The following ZNF483 variants were observed in gnomAD, a reference collection of about 807,000 sequenced individuals.
ZNF483 encodes the protein zinc finger protein 483.
In ZNF483, 9 loss-of-function variants were observed where a neutral mutation model predicts 28.6. The observed-to-expected ratio is 0.32, with a 90% CI of 0.19 to 0.55. The LOEUF (loss-of-function observed/expected upper bound fraction) is 0.55, where lower values mean the gene tolerates loss of function less well. Among genes scored for constraint, ZNF483 ranks in the 20% least tolerant of loss-of-function variants. The pLI is 0.93. For missense variants in ZNF483, 675 were observed against 871.7 expected (o/e 0.77, Z 2.84); for synonymous variants, 322 against 306.2 (o/e 1.05, Z -0.54).
Position 111,542,488 on chromosome 9 carries a change from C to A in ZNF483, c.1553C>A (p.Thr518Asn), listed in dbSNP as rs1198374864. Residue 518 changes from threonine (T) to asparagine (N), a missense_variant, in exon 6 of 6, where the codon ACT (threonine) becomes AAT (asparagine). Coordinates refer to ENST00000309235, the MANE Select transcript of ZNF483 (RefSeq NM_133464.5). This position sits in a 1 kb window ranked among gnomAD's most constrained non-coding sequence, Gnocchi z 6.2. Reference sequence around the variant, plus strand: ...CTCATTAAACATCAGAGAATTCATACTGGAGAAAAACCTTATAAATGTAAA... The same window carrying A: ...CTCATTAAACATCAGAGAATTCATAATGGAGAAAAACCTTATAAATGTAAA... ...AHLIKHQRIH[T>N]GEKPYKCKDC... is the part of the protein sequence containing the mutation. 14 of 1,614,044 alleles carry A rather than the reference C, an allele frequency of 8.7e-6. No individual in the cohort carries two copies. Among genetic ancestry groups the A allele is most frequent in the Non-Finnish European group, 1.1e-5 (13 of 1,180,030 alleles).
At chr9:111,563,313 T>A (rs1325431166) in intron 5 of ZNF483, 18 of 1,326,422 alleles carry the variant, frequency 1.4e-5, no homozygotes, top group Non-Finnish European at 1.6e-5. Context: ...AACAAATTTA[T>A]CAGGTACATC....
intron 5 of ZNF483, among the ~76,000 whole-genome samples, chr9:111,572,572 AGAGT>A (rs1389572672): frequency 6.6e-6 from 1 of 152,042 alleles, no homozygotes; most frequent in Non-Finnish European, 1.5e-5. Context: ...CCTGGGCGAC[AGAGT>A]GAGACTCTGT....
chr9:111,534,553 A>G (rs1827432862), intron 5 of ZNF483, among the ~76,000 whole-genome samples, 200 bp downstream of exon 5: 1 of 152,076 alleles, frequency 6.6e-6, no homozygotes, highest in Non-Finnish European at 1.5e-5. Flanking sequence ...ATGATTAGCC[A>G]TGTAAGATCT....
At position 111,549,797 on chromosome 9, in the gene ZNF483, G is replaced by T. The variant is rs1210107226; in HGVS notation, c.*6627G>T. On this transcript the variant is annotated 3_prime_UTR_variant, in exon 6 of 6. Transcript: ENST00000309235. ...TTCAATCTTCTTCATTTTCTCTTTT[G>T]ATCTGTCAACACAATCAGAACATTT... 2.7e-5 allele frequency: 41 copies of T among 1,527,652 alleles called. No individual in the cohort carries two copies. Among genetic ancestry groups the T allele is most frequent in the Non-Finnish European group, 3.6e-5 (41 of 1,125,844 alleles). The allele number at this position is 1,527,652 out of a possible 1,614,324, so 94.6% of individuals were successfully genotyped here.
intron 5 of ZNF483, chr9:111,570,259 T>C (rs1828751610): frequency 1.3e-6 from 2 of 1,581,082 alleles, no homozygotes; most frequent in African/African-American, 1.4e-5. Context: ...GAGGTGCCCA[T>C]GGTGAAACAA....
chr9:111,533,671 CA>C (rs374986204), intron 3 of ZNF483, 67 bp from the exon 4 acceptor site: 66,847 of 961,668 alleles, frequency 0.07, 2 homozygotes, highest in South Asian at 0.11. Flanking sequence ...TAGCCTGTCT[CA>C]AAAAAAAAAA....
At chr9:111,530,574 A>G (rs1342719915) in intron 2 of ZNF483, among the ~76,000 whole-genome samples, 1 of 151,162 alleles carries the variant, frequency 6.6e-6, no homozygotes, top group African/African-American at 2.4e-5. Flanking sequence ...TGCTATCTCC[A>G]GGTAGATAGC....
chr9:111,537,832 G>A (rs1416649663), intron 5 of ZNF483, among the ~76,000 whole-genome samples: 2 of 152,032 alleles, frequency 1.3e-5, no homozygotes, highest in African/African-American at 4.8e-5. Context: ...TTGTCATGTT[G>A]TTCAGGCTGG....
intron 5 of ZNF483, 120 bp from the exon 6 acceptor site, chr9:111,541,536 CT>C: frequency 1.4e-6 from 1 of 727,870 alleles, no homozygotes. Flanking sequence ...TTACAAAGCT[CT>C]TTTTGAGAAC....
intron 5 of ZNF483, among the ~76,000 whole-genome samples, chr9:111,535,883 T>TTA (rs1264702368): frequency 6.9e-6 from 1 of 145,396 alleles, no homozygotes; most frequent in Non-Finnish European, 1.5e-5. Context: ...ATCTTACAAT[T>TTA]TATATATATT....
At chr9:111,530,798 T>TATATAC (rs1554811937) in intron 2 of ZNF483, 77 bp from the exon 3 acceptor site, 45 of 54,998 alleles carry the variant, frequency 8.2e-4, no homozygotes, top group African/African-American at 3.5e-3. Flanking sequence ...TATATATATA[T>TATATAC]ATACATATAT....
At chr9:111,573,197 G>A (rs750444092) in intron 5 of ZNF483, among the ~76,000 whole-genome samples, 4 of 152,188 alleles carry the variant, frequency 2.6e-5, no homozygotes, top group East Asian at 1.9e-4. Context: ...CTGTGGTTAA[G>A]AAAAGGCCTC....
chr9:111,558,686 A>T (rs950666342), downstream of ZNF483, among the ~76,000 whole-genome samples: 1 of 152,218 alleles, frequency 6.6e-6, no homozygotes, highest in African/African-American at 2.4e-5. Flanking sequence ...CTTAGTGGGC[A>T]GAGTTATATA....
Position 111,554,605 on chromosome 9 carries a change from T to A in ZNF483, c.*11435T>A, listed in dbSNP as rs1223143870. ...TAACCCAAGAAGGCTACTAAGTGACTAACAGACAGGTAGTGTAGATGACAT... is the reference window on the plus strand; with the variant it reads ...TAACCCAAGAAGGCTACTAAGTGACAAACAGACAGGTAGTGTAGATGACAT... On this transcript the variant is annotated 3_prime_UTR_variant, in exon 6 of 6. Transcript: ENST00000309235. Among the ~76,000 whole-genome samples, 2 of 152,180 alleles carry A rather than the reference T, an allele frequency of 1.3e-5. No individual in the cohort carries two copies. Among genetic ancestry groups the A allele is most frequent in the African/African-American group, 2.4e-5 (1 of 41,454 alleles).
At chr9:111,525,905 G>C (rs1589263877) in intron 1 of ZNF483, among the ~76,000 whole-genome samples, 1 of 152,154 alleles carries the variant, frequency 6.6e-6, no homozygotes, top group Admixed American at 6.5e-5. Context: ...TGCAATGCGA[G>C]GCTGTCACAT....
rs558803160 is a variant in ZNF483 at position 111,540,225 on chromosome 9, A to C, written c.722-1432A>C. Among the ~76,000 whole-genome samples, 5 of 152,334 alleles carry C rather than the reference A, an allele frequency of 3.3e-5. No individual in the cohort carries two copies. The South Asian group carries it at 8.3e-4, about 25-fold the overall frequency. ...AACAATACAAAGTGAAAAGAATAAC[A>C]ATACAAATTATGCAGTTTTTCTGTT... On this transcript the variant is annotated intron_variant, in intron 5 of 5. Coordinates refer to ENST00000309235, the MANE Select transcript of ZNF483 (RefSeq NM_133464.5).
intron 5 of ZNF483, among the ~76,000 whole-genome samples, chr9:111,538,727 G>C (rs1225893285): frequency 2.6e-5 from 4 of 152,036 alleles, no homozygotes; most frequent in Admixed American, 6.6e-5. Flanking sequence ...GCCTCATGTT[G>C]ATACACAGCT....
At chr9:111,572,482 C>T (rs1387050307) in intron 5 of ZNF483, among the ~76,000 whole-genome samples, 1 of 152,072 alleles carries the variant, frequency 6.6e-6, no homozygotes, top group Non-Finnish European at 1.5e-5. Flanking sequence ...CCCAGCTACT[C>T]AGGAGGCTAA....
rs185442139 is a variant in ZNF483, at chr9:111,561,158, A to C, written c.722-15207A>C. 5.5e-5 allele frequency among the ~76,000 whole-genome samples: 6 copies of C among 109,356 alleles called. No homozygotes were observed. The South Asian group carries it at 1.8e-3, about 34-fold the overall frequency. The allele number at this position is 109,356 out of a possible 152,430, so 71.7% of individuals were successfully genotyped here. A position where few individuals can be genotyped will look rare whatever the true frequency, so the allele number is the denominator to read the frequency against. On this transcript the variant is annotated intron_variant, in intron 5 of 5. Transcript: ENST00000358151. ...AGAGAGGAGAGAGAGGGAGAGAGAG[A>C]GAGAGAGAGAGAGAGAGAGAAAGAG...
Sources: gnomAD v4.1 joint callset for allele counts (sites outside exome capture counted in the v4.1 genomes callset) on GRCh38, gnomAD v4.1.1 for gene constraint, Gnocchi (gnomAD v3.1) non-coding constraint, MANE v1.5 for transcripts, NCBI Gene and HGNC (gene_info 2026-07-23, HGNC 2026-07-21) for gene names.